The following ITGA8 variants were observed in gnomAD, a reference collection of about 807,000 sequenced individuals.
ITGA8 encodes integrin subunit alpha 8, also known as integrin alpha-8.
ITGA8 carries 91 observed loss-of-function variants against 142.3 expected under a neutral mutation model. The observed-to-expected ratio is 0.64, with a 90% CI of 0.54 to 0.76. ITGA8 has a LOEUF of 0.76. ITGA8 is among the 30% of genes least tolerant of loss of function. ITGA8 has a pLI of 0.00. For missense variants in ITGA8, 1,406 were observed against 1,327.7 expected, an observed-to-expected ratio of 1.06 and a Z score of -0.92; for synonymous variants, 505 against 485.2, an observed-to-expected ratio of 1.04 and a Z score of -0.54.
At chr10:15,524,418 C>T (rs781671496) in intron 28 of ITGA8, among the ~76,000 whole-genome samples, 1 of 152,184 alleles carries the variant, frequency 6.6e-6, no homozygotes, top group Non-Finnish European at 1.5e-5. Context: ...TTTTCTGCTG[C>T]ACTGTAATGA....
intron 25 of ITGA8, among the ~76,000 whole-genome samples, chr10:15,562,576 T>C (rs939697270): frequency 3.9e-5 from 6 of 152,196 alleles, no homozygotes; most frequent in African/African-American, 2.4e-5. Flanking sequence ...AAAGCATTTA[T>C]ACCAGGGAAG....
intron 27 of ITGA8, among the ~76,000 whole-genome samples, chr10:15,539,117 T>G (rs549704631): frequency 6.6e-6 from 1 of 152,174 alleles, no homozygotes; most frequent in Non-Finnish European, 1.5e-5. Flanking sequence ...GTGTGCTTGC[T>G]TCTTCCATTT....
At position 15,515,297 on chromosome 10, in the gene ITGA8, C is replaced by T. The variant is rs1189080946; in HGVS notation, c.*1861G>A. On this transcript the variant is annotated 3_prime_UTR_variant, in exon 30 of 30. Coordinates refer to ENST00000378076, the MANE Select transcript of ITGA8 (RefSeq NM_003638.3). ...GCTCATCCGTAGTCAGCCACACAAA[C>T]CAGCCTTGAGCTCCTGACCGACCCG... 6.6e-6 allele frequency: 1 copy of T among 152,342 alleles called. No individual in the cohort carries two copies. Among genetic ancestry groups the T allele is most frequent in the African/African-American group, 2.4e-5 (1 of 41,448 alleles). 9.4% of individuals were successfully genotyped at this position (152,342 alleles called of 1,614,324 possible). A position where few individuals can be genotyped will look rare whatever the true frequency, so the allele number is the denominator to read the frequency against.
intron 25 of ITGA8, among the ~76,000 whole-genome samples, chr10:15,561,233 ATG>A (rs1491132287): frequency 0.034 from 3,008 of 89,460 alleles, 44 homozygotes; most frequent in Admixed American, 0.061. Flanking sequence ...ATATATATAT[ATG>A]TATATATATA....
At chr10:15,644,890 G>C (rs942060572) in intron 12 of ITGA8, among the ~76,000 whole-genome samples, 3 of 151,458 alleles carry the variant, frequency 2.0e-5, no homozygotes, top group African/African-American at 7.3e-5. Context: ...TCAGGAGATC[G>C]AGACCATCCT....
intron 2 of ITGA8, among the ~76,000 whole-genome samples, chr10:15,710,773 G>A (rs1204317255): frequency 6.6e-6 from 1 of 152,132 alleles, no homozygotes; most frequent in Non-Finnish European, 1.5e-5. Flanking sequence ...ACTACAACCT[G>A]GCCACAGGAG....
At chr10:15,684,369 T>C (rs1160065184) in intron 3 of ITGA8, among the ~76,000 whole-genome samples, 3 of 151,528 alleles carry the variant, frequency 2.0e-5, no homozygotes, top group African/African-American at 4.8e-5. Context: ...TTTCTGACAA[T>C]AGTTTTTTTT....
intron 19 of ITGA8, 36 bp from the exon 20 acceptor site, chr10:15,604,391 C>A (rs542164789): frequency 3.9e-6 from 6 of 1,530,616 alleles, no homozygotes; most frequent in Non-Finnish European, 5.3e-6. Context: ...ATTAGGTACT[C>A]TACTTCTTGG....
At chr10:15,556,817 T>C (rs1833896769) in intron 26 of ITGA8, among the ~76,000 whole-genome samples, 1 of 152,230 alleles carries the variant, frequency 6.6e-6, no homozygotes, top group African/African-American at 2.4e-5. Flanking sequence ...TCTAACTATA[T>C]TTTGTACCTG....
intron 2 of ITGA8, among the ~76,000 whole-genome samples, chr10:15,696,826 C>T (rs1835060984): frequency 7.1e-6 from 1 of 141,042 alleles, no homozygotes; most frequent in Non-Finnish European, 1.5e-5. Flanking sequence ...CACCGCACTC[C>T]AGCCTGGACA....
At chr10:15,700,805 C>T (rs1371829072) in intron 2 of ITGA8, among the ~76,000 whole-genome samples, 1 of 152,122 alleles carries the variant, frequency 6.6e-6, no homozygotes, top group Non-Finnish European at 1.5e-5. Context: ...AAGCCCTAAG[C>T]CACCAGTTCT....
intron 6 of ITGA8, among the ~76,000 whole-genome samples, chr10:15,675,046 A>G (rs939718482): frequency 6.6e-6 from 1 of 152,092 alleles, no homozygotes; most frequent in African/African-American, 2.4e-5. Context: ...TCTTAATCTC[A>G]GATTCTACTC....
intron 25 of ITGA8, among the ~76,000 whole-genome samples, chr10:15,564,760 GC>G (rs1834049232): frequency 6.6e-6 from 1 of 152,186 alleles, no homozygotes; most frequent in South Asian, 2.1e-4. Context: ...CAAAAGCAAT[GC>G]ACACTATCTT....
intron 27 of ITGA8, among the ~76,000 whole-genome samples, chr10:15,535,720 G>C (rs1833417201): frequency 6.6e-6 from 1 of 152,174 alleles, no homozygotes; most frequent in Non-Finnish European, 1.5e-5. Flanking sequence ...GGACCAATCA[G>C]CAGGATGTGG....
chr10:15,694,263 T>C (rs908478875), intron 2 of ITGA8, among the ~76,000 whole-genome samples: 3 of 98,058 alleles, frequency 3.1e-5, no homozygotes, highest in Admixed American at 2.2e-4. Flanking sequence ...AACATATACA[T>C]CAGATAATAT....
intron 23 of ITGA8, among the ~76,000 whole-genome samples, chr10:15,583,364 G>A (rs900326308): frequency 1.6e-4 from 25 of 152,100 alleles, no homozygotes; most frequent in African/African-American, 6.0e-4. Context: ...GGGCCTACTG[G>A]GGGATGGGGG....
chr10:15,625,492 G>A (rs561379398), intron 13 of ITGA8, among the ~76,000 whole-genome samples: 46 of 152,310 alleles, frequency 3.0e-4, no homozygotes, highest in Non-Finnish European at 5.1e-4. Flanking sequence ...TATTTCTACA[G>A]TACCAGTGTC....
At position 15,682,588 on chromosome 10, in the gene ITGA8, C is replaced by T. The variant is rs997277993; in HGVS notation, c.568+1416G>A. Among the ~76,000 whole-genome samples, 12 of 152,100 alleles carry T rather than the reference C, an allele frequency of 7.9e-5. No homozygotes were observed. In the South Asian group the frequency reaches 8.3e-4, roughly 11 times the overall value. Reference sequence around the variant, plus strand: ...TAAATGTTCAAGCCAGGTGTGGCGGCGCACGACTGTAATCCCAGCACTTTG... The same window carrying T: ...TAAATGTTCAAGCCAGGTGTGGCGGTGCACGACTGTAATCCCAGCACTTTG... On this transcript the variant is annotated intron_variant, in intron 4 of 29. Transcript: ENST00000378076.
At chr10:15,708,727 C>G (rs1361755975) in intron 2 of ITGA8, among the ~76,000 whole-genome samples, 3 of 152,168 alleles carry the variant, frequency 2.0e-5, no homozygotes, top group Non-Finnish European at 4.4e-5. Context: ...ATTGGCACAG[C>G]AAACCTCCTA....
Sources: allele counts gnomAD v4.1 joint callset (sites outside exome capture counted in the v4.1 genomes callset), GRCh38; gene constraint gnomAD v4.1.1; transcripts MANE v1.5; gene names NCBI Gene and HGNC (gene_info 2026-07-23, HGNC 2026-07-21).